PLAAT4: variants seen among roughly 807,000 people sequenced by gnomAD.
The protein encoded by PLAAT4 is HRAS-like suppressor 4.
A neutral mutation model predicts 14.1 loss-of-function variants in PLAAT4; 12 were observed. The ratio of observed to expected loss-of-function variants is 0.85; its 90% CI spans 0.54 to 1.37. The LOEUF (loss-of-function observed/expected upper bound fraction) is 1.37, where lower values mean the gene tolerates loss of function less well. Ranked by LOEUF, PLAAT4 falls within the 40% of genes most tolerant of loss-of-function variation. PLAAT4 has a pLI of 0.00. For missense variants in PLAAT4, 163 were observed against 211.7 expected, an observed-to-expected ratio of 0.77 and a Z score of 1.43; for synonymous variants, 77 against 79.8, an observed-to-expected ratio of 0.96 and a Z score of 0.19.
chr11:63,545,198 G>A, intron 3 of PLAAT4: 1 of 583,740 alleles, frequency 1.7e-6, no homozygotes, highest in Non-Finnish European at 3.0e-6. Context: ...GGAGAATCTG[G>A]GCCAACCCAG....
intron 2 of PLAAT4, among the ~76,000 whole-genome samples, chr11:63,540,230 C>T (rs895322227): frequency 6.6e-6 from 1 of 152,196 alleles, no homozygotes; most frequent in African/African-American, 2.4e-5. Flanking sequence ...CGACTTAAAC[C>T]AGCCAGGTTT....
chr11:63,539,812 T>C (rs942643266), intron 2 of PLAAT4, among the ~76,000 whole-genome samples, 188 bp downstream of exon 2: 1 of 151,926 alleles, frequency 6.6e-6, no homozygotes, highest in African/African-American at 2.4e-5. Flanking sequence ...AAATACAAAA[T>C]TAGCCAGGTG....
chr11:63,541,120 G>C (rs1439688668), intron 2 of PLAAT4, among the ~76,000 whole-genome samples: 8 of 152,058 alleles, frequency 5.3e-5, no homozygotes, highest in Non-Finnish European at 1.2e-4. Flanking sequence ...ATGATCCTCA[G>C]GGACCTTGTA....
At position 63,546,380 on chromosome 11, in the gene PLAAT4, G is replaced by A. The variant is rs926647286; in HGVS notation, c.*124G>A. 3.7e-6 allele frequency: 3 copies of A among 816,262 alleles called. No individual in the cohort carries two copies. The highest frequency in any genetic ancestry group is 1.7e-5 in the African/African-American group (1 of 58,206). The allele number at this position is 816,262 out of a possible 1,614,324, so 50.6% of individuals were successfully genotyped here. On this transcript the variant is annotated 3_prime_UTR_variant, in exon 4 of 4. Transcript: ENST00000255688. ...AGGCGTTCTCTAGATCCTTTCCTCT[G>A]TTTCCCTCTCTCGCTGGCAAAAGTA...
Position 63,546,071 on chromosome 11 carries a change from G to T in PLAAT4, c.388-78G>T. The T allele has an allele frequency of 3.6e-6, 4 of 1,118,694 alleles. No homozygotes were observed. The South Asian group carries it at 5.0e-5, about 14-fold the overall frequency. 69.3% of individuals were successfully genotyped at this position (1,118,694 alleles called of 1,614,324 possible). A position where few individuals can be genotyped will look rare whatever the true frequency, so the allele number is the denominator to read the frequency against. ...GGCAGGAGAGAGGGGAGAGGGAGAG[G>T]AGTTCCAGGCCCTTGGGAGGGAGAA... On this transcript the variant is annotated intron_variant, in intron 3 of 3. Transcript: ENST00000255688.
rs1241494109 is a variant in PLAAT4, at chr11:63,539,547, T to C, written c.41T>C (p.Ile14Thr). 1 of 1,614,078 alleles carries C rather than the reference T, an allele frequency of 6.2e-7. No individual in the cohort carries two copies. The highest frequency in any genetic ancestry group is 1.7e-5 in the Admixed American group (1 of 60,026). Reference sequence around the variant, plus strand: ...CAAGAGCCCAAACCTGGAGACCTGATTGAGATTTTCCGCCTTGGCTATGAG... The same window carrying C: ...CAAGAGCCCAAACCTGGAGACCTGACTGAGATTTTCCGCCTTGGCTATGAG... ...PHQEPKPGDL[I>T]EIFRLGYEHW... The change falls in exon 2 of 4, where the codon ATT (isoleucine) becomes ACT (threonine). Residue 14 changes from isoleucine to threonine, a missense_variant. Transcript: ENST00000255688.
At chr11:63,537,320 C>G (rs1161546183) in intron 1 of PLAAT4, among the ~76,000 whole-genome samples, 1 of 152,160 alleles carries the variant, frequency 6.6e-6, no homozygotes, top group Non-Finnish European at 1.5e-5. Flanking sequence ...CATCATCCAG[C>G]CTTCTAAGGT....
chr11:63,546,119 A>G (rs548784254), intron 3 of PLAAT4, 30 bp from the exon 4 acceptor site: 5 of 1,587,668 alleles, frequency 3.1e-6, no homozygotes, highest in Non-Finnish European at 4.3e-6. Flanking sequence ...GCTTGCCGTG[A>G]ACGCTCAACA....
chr11:63,538,311 C>T, intron 1 of PLAAT4: 1 of 339,826 alleles, frequency 2.9e-6, no homozygotes, highest in Non-Finnish European at 5.9e-6. Flanking sequence ...GGAAGGCCAC[C>T]ATGGGTTCTG....
chr11:63,538,898 G>A (rs1006184168), intron 1 of PLAAT4, among the ~76,000 whole-genome samples: 1 of 152,186 alleles, frequency 6.6e-6, no homozygotes, highest in African/African-American at 2.4e-5. Context: ...TGTTCTGTGA[G>A]TGCAGAGCCC....
intron 3 of PLAAT4, among the ~76,000 whole-genome samples, chr11:63,545,564 G>A (rs1313962392): frequency 6.6e-6 from 1 of 152,112 alleles, no homozygotes; most frequent in African/African-American, 2.4e-5. Context: ...GATGTCTGAG[G>A]TGCCCCATTA....
At chr11:63,539,028 G>T (rs1157600754) in intron 1 of PLAAT4, among the ~76,000 whole-genome samples, 1 of 152,138 alleles carries the variant, frequency 6.6e-6, no homozygotes, top group African/African-American at 2.4e-5. Context: ...GCTGGATGGG[G>T]CAAGGTCTGA....
intron 2 of PLAAT4, among the ~76,000 whole-genome samples, chr11:63,543,101 T>C (rs572382485): frequency 1.3e-5 from 2 of 152,372 alleles, no homozygotes; most frequent in East Asian, 1.9e-4. Context: ...CTCAGCAAAG[T>C]TGGCATAAAT....
At chr11:63,545,220 G>T in intron 3 of PLAAT4, 2 of 563,146 alleles carry the variant, frequency 3.6e-6, no homozygotes, top group Middle Eastern at 4.7e-4. Context: ...ACAATGACAG[G>T]TCCTGCAACC....
chr11:63,546,122 G>A lies in PLAAT4; in HGVS notation c.388-27G>A, dbSNP rs1358763654. The A allele has an allele frequency of 9.4e-6, 15 of 1,593,984 alleles. No individual in the cohort carries two copies. The South Asian group carries it at 9.9e-5, about 11-fold the overall frequency. On this transcript the variant is annotated intron_variant, in intron 3 of 3. Coordinates refer to ENST00000255688, the MANE Select transcript of PLAAT4 (RefSeq NM_004585.5). The stretch of plus-strand genomic sequence containing the variant: ...AGTGCCAGCCTGGCTTGCCGTGAAC[G>A]CTCAACAAAAGCTGCTTGCTTTGCA...
chr11:63,539,535 C>T lies in PLAAT4; in HGVS notation c.29C>T (p.Pro10Leu). The T allele has an allele frequency of 1.9e-6, 3 of 1,614,108 alleles. No homozygotes were observed. The highest frequency in any genetic ancestry group is 2.5e-6 in the Non-Finnish European group (3 of 1,179,960). The change falls in exon 2 of 4, where the codon CCT (proline) becomes CTT (leucine). Residue 10 changes from proline to leucine, a missense_variant. Pro to Leu is a moderately conservative substitution (Grantham distance 98). Coordinates refer to ENST00000255688, the MANE Select transcript of PLAAT4 (RefSeq NM_004585.5). ...TTGCAGCCACACCAAGAGCCCAAAC[C>T]TGGAGACCTGATTGAGATTTTCCGC... MASPHQEPK[P>L]GDLIEIFRLG...
At chr11:63,539,921 A>G (rs918194951) in intron 2 of PLAAT4, among the ~76,000 whole-genome samples, 1 of 152,266 alleles carries the variant, frequency 6.6e-6, no homozygotes, top group Non-Finnish European at 1.5e-5. Flanking sequence ...AGATCGTGCC[A>G]TTGCACTCTA....
At position 63,539,624 on chromosome 11, in the gene PLAAT4, AG is replaced by A. The variant is rs779372385; in HGVS notation, c.118+1del. On this transcript the variant is annotated splice_donor_variant, in intron 2 of 3. Transcript: ENST00000255688. LOFTEE classifies it high-confidence loss of function. ...CTACGTGATCCATCTGGCTCCTCCA[AG>A]TAAGGACTGATGAATATATAATTTT... 2 of 1,592,744 alleles carry A rather than the reference AG, an allele frequency of 1.3e-6. No individual in the cohort carries two copies. The highest frequency in any genetic ancestry group is 3.3e-5 in the Admixed American group (2 of 59,914).
chr11:63,543,895 G>A (rs548622509), intron 2 of PLAAT4, among the ~76,000 whole-genome samples: 5 of 152,078 alleles, frequency 3.3e-5, no homozygotes, highest in Non-Finnish European at 5.9e-5. Context: ...TGCCCTTTGG[G>A]GCTTAAGAGA....
Sources: gnomAD v4.1 joint callset for allele counts (sites outside exome capture counted in the v4.1 genomes callset) on GRCh38, gnomAD v4.1.1 for gene constraint, MANE v1.5 for transcripts, NCBI Gene and HGNC (gene_info 2026-07-23, HGNC 2026-07-21) for gene names.